The following MYPN variants were observed in gnomAD, a reference collection of about 807,000 sequenced individuals.
The protein encoded by MYPN is myopalladin, also known as sarcomeric protein myopalladin, 145 kDa (MYOP).
Under a neutral mutation model 129.4 loss-of-function variants are expected in MYPN, and 63 were observed. That is an observed-to-expected ratio of 0.49 (90% CI 0.40 to 0.60). The LOEUF (loss-of-function observed/expected upper bound fraction) is 0.60. MYPN is among the 20% of genes least tolerant of loss of function. The probability of loss-of-function intolerance (pLI) is 0.00; values close to 1 mark genes in which losing one functional copy is unlikely to be tolerated. For synonymous variants in MYPN, 629 were observed against 600.9 expected (o/e 1.05, Z -0.68); for missense variants, 1,596 against 1,635.4 (o/e 0.98, Z 0.42).
In MYPN at chr10:68,161,738, C is replaced by G. The variant is rs774867879; in HGVS notation, c.1469C>G (p.Ser490Cys). Residue 490 changes from serine (S) to cysteine (C), a missense_variant, in exon 8 of 20, where the codon TCC becomes TGC. Transcript: ENST00000358913. ...DFRILQKKPR[S>C]MAEPEEICTL... ...CTTTCTTTTCTTTTAGAACCTCGAT[C>G]CATGGCAGAGCCAGGTAAAGATGAT... 3.1e-6 allele frequency: 5 copies of G among 1,611,034 alleles called. No individual in the cohort carries two copies. In the South Asian group the frequency reaches 3.3e-5, roughly 11 times the overall value.
At chr10:68,092,014 C>T (rs368693232) in intron 1 of MYPN, among the ~76,000 whole-genome samples, 35 of 151,938 alleles carry the variant, frequency 2.3e-4, no homozygotes, top group African/African-American at 8.2e-4. Flanking sequence ...CCCAGGAGTT[C>T]GAGGGTGCAG....
At position 68,194,355 on chromosome 10, in the gene MYPN, C is replaced by G; in HGVS notation, c.2926-8C>G. On this transcript the variant is annotated splice_polypyrimidine_tract_variant and splice_region_variant and intron_variant, in intron 13 of 19. Coordinates refer to ENST00000358913, the MANE Select transcript of MYPN (RefSeq NM_032578.4). ...AACAGTGTACATCTTGATAATTTTT[C>G]ATTTCAGGTTTACTGGTTCAAAGAT... The G allele has an allele frequency of 6.2e-7, 1 of 1,612,632 alleles. No individual in the cohort carries two copies.
In MYPN at chr10:68,199,595, C is replaced by A. The variant is rs1404204031; in HGVS notation, c.3493+20C>A. On this transcript the variant is annotated intron_variant, in intron 17 of 19. Coordinates refer to ENST00000358913, the MANE Select transcript of MYPN (RefSeq NM_032578.4). ...TAGTAGGTAAGGTTTGCTGCTGGGA[C>A]CCCTAAACACAACTTCCTCCAAAGT... The A allele has an allele frequency of 1.3e-6, 2 of 1,502,832 alleles. No individual in the cohort carries two copies. Among genetic ancestry groups the A allele is most frequent in the South Asian group, 1.1e-5 (1 of 87,016 alleles). The allele number at this position is 1,502,832 out of a possible 1,614,324, so 93.1% of individuals were successfully genotyped here.
upstream of MYPN, among the ~76,000 whole-genome samples, chr10:68,107,632 T>G (rs2042029341): frequency 6.6e-6 from 1 of 152,048 alleles, no homozygotes. Flanking sequence ...ATTACAGGCG[T>G]GATCCCCCGC....
At chr10:68,169,540 T>G (rs1220738350) in intron 10 of MYPN, among the ~76,000 whole-genome samples, 1 of 152,054 alleles carries the variant, frequency 6.6e-6, no homozygotes, top group African/African-American at 2.4e-5. Flanking sequence ...TTCTCTCACA[T>G]AAAGTAGACA....
intron 6 of MYPN, 186 bp from the exon 7 acceptor site, chr10:68,158,300 C>T: frequency 1.6e-6 from 1 of 607,894 alleles, no homozygotes; most frequent in Non-Finnish European, 2.9e-6. Flanking sequence ...CCTGCTAGAG[C>T]CTCCAAACAA....
intron 12 of MYPN, among the ~76,000 whole-genome samples, chr10:68,177,846 GA>G (rs1415594364): frequency 3.9e-5 from 6 of 152,150 alleles, no homozygotes. Flanking sequence ...GTTTTGCTTT[GA>G]AAACTTTTAG....
chr10:68,145,477 G>C lies in MYPN; in HGVS notation c.1081G>C (p.Val361Leu), dbSNP rs527628617. ...STSAEIYIEG[V>L]SSSDSEGDPN... ...ATGTCTTGTTTTTATTTTTCCAGGGGTTTCTTCTTCTGACTCAGAAGGCGA... is the reference window on the plus strand; with the variant it reads ...ATGTCTTGTTTTTATTTTTCCAGGGCTTTCTTCTTCTGACTCAGAAGGCGA... Residue 361 changes from valine (V) to leucine (L), a missense_variant and splice_region_variant, in exon 4 of 20, where the codon GTT (valine) becomes CTT (leucine). Physicochemically the swap from Val to Leu is conservative, Grantham distance 32. Coordinates refer to ENST00000358913, the MANE Select transcript of MYPN (RefSeq NM_032578.4). 1.7e-5 allele frequency: 27 copies of C among 1,612,734 alleles called. No homozygotes were observed. In the South Asian group the frequency reaches 2.6e-4, roughly 16 times the overall value.
intron 13 of MYPN, among the ~76,000 whole-genome samples, chr10:68,190,861 T>A (rs893790502): frequency 6.6e-6 from 1 of 152,232 alleles, no homozygotes; most frequent in African/African-American, 2.4e-5. Context: ...TGGATTTTTT[T>A]ATCTGGTGAA....
intron 13 of MYPN, among the ~76,000 whole-genome samples, chr10:68,192,701 G>A (rs1179500271): frequency 2.2e-3 from 1 of 448 alleles, no homozygotes; most frequent in East Asian, 0.062. Flanking sequence ...CTCATTATTG[G>A]TCTGGTCTGC....
intron 1 of MYPN, among the ~76,000 whole-genome samples, chr10:68,116,954 T>C (rs1210686859): frequency 1.3e-5 from 2 of 152,102 alleles, no homozygotes; most frequent in East Asian, 3.9e-4. Flanking sequence ...ACATGGTGGC[T>C]CATACCTGTA....
chr10:68,098,865 A>C (rs1017411091), intron 1 of MYPN, among the ~76,000 whole-genome samples: 9 of 152,102 alleles, frequency 5.9e-5, no homozygotes, highest in Non-Finnish European at 1.0e-4. Context: ...TTTTTTTGAA[A>C]ATCTGGGTCT....
intron 6 of MYPN, among the ~76,000 whole-genome samples, chr10:68,157,141 C>A (rs2042889515): frequency 6.6e-6 from 1 of 152,132 alleles, no homozygotes; most frequent in Non-Finnish European, 1.5e-5. Flanking sequence ...CTTTCTAAAC[C>A]TTTCATTGTG....
At chr10:68,182,395 TATATATAACAC>T (rs1489778763) in intron 12 of MYPN, among the ~76,000 whole-genome samples, 5 of 98,606 alleles carry the variant, frequency 5.1e-5, no homozygotes, top group Non-Finnish European at 1.1e-4. Flanking sequence ...ATATATAACA[TATATATAACAC>T]ATATATATAA....
chr10:68,150,219 A>G, intron 6 of MYPN, 108 bp downstream of exon 6: 1 of 964,508 alleles, frequency 1.0e-6, no homozygotes, highest in Middle Eastern at 2.1e-4. Context: ...GGTCTTCTGT[A>G]TGTACGGTAT....
At chr10:68,093,037 T>C (rs765288889) in intron 1 of MYPN, among the ~76,000 whole-genome samples, 2 of 152,084 alleles carry the variant, frequency 1.3e-5, no homozygotes, top group African/African-American at 4.8e-5. Context: ...TGAAAACAGA[T>C]AATTTTTATT....
At chr10:68,105,153 T>A (rs578262809), upstream of MYPN, among the ~76,000 whole-genome samples, 1 of 152,190 alleles carries the variant, frequency 6.6e-6, no homozygotes, top group African/African-American at 2.4e-5. Context: ...ATTTGAATAT[T>A]TGCAGTGGTT....
In MYPN at chr10:68,122,017, G is replaced by T; in HGVS notation, c.579G>T (p.Gln193His). The change falls in exon 2 of 20, where the codon CAG becomes CAT. Residue 193 changes from glutamine to histidine, a missense_variant. Physicochemically the swap from Gln to His is conservative, Grantham distance 24. Coordinates refer to ENST00000358913, the MANE Select transcript of MYPN (RefSeq NM_032578.4). Reference sequence around the variant, plus strand: ...TGGAATCTCAAAACAAAGTTATGCAGGAAAACAGCTCCAGTTTCTCAGATC... The same window carrying T: ...TGGAATCTCAAAACAAAGTTATGCATGAAAACAGCTCCAGTTTCTCAGATC... ...SKLESQNKVM[Q>H]ENSSSFSDLS... 6.2e-7 allele frequency: 1 copy of T among 1,614,214 alleles called. No individual in the cohort carries two copies. The highest frequency in any genetic ancestry group is 1.3e-5 in the African/African-American group (1 of 75,058).
chr10:68,111,341 T>G (rs2042078802), intron 1 of MYPN, among the ~76,000 whole-genome samples: 1 of 152,234 alleles, frequency 6.6e-6, no homozygotes, highest in Non-Finnish European at 1.5e-5. Flanking sequence ...GTAGACTCAG[T>G]TCACTAACCT....
Sources: allele counts gnomAD v4.1 joint callset (sites outside exome capture counted in the v4.1 genomes callset), GRCh38; gene constraint gnomAD v4.1.1; transcripts MANE v1.5; gene names NCBI Gene and HGNC (gene_info 2026-07-23, HGNC 2026-07-21).